FBXL19: variants seen among roughly 807,000 people sequenced by gnomAD.
FBXL19 encodes F-box and leucine rich repeat protein 19.
FBXL19 carries 16 observed loss-of-function variants against 71.2 expected under a neutral mutation model. That is an observed-to-expected ratio of 0.22 (90% CI 0.15 to 0.34). FBXL19 has a LOEUF of 0.34. Ranked by LOEUF, FBXL19 falls within the 10% of genes least tolerant of loss-of-function variation. The pLI, the probability that FBXL19 is intolerant of heterozygous loss-of-function variation, is 1.00. For synonymous variants in FBXL19, 447 were observed against 409.4 expected (o/e 1.09, Z -1.11); for missense variants, 658 against 968.2 (o/e 0.68, Z 4.25).
At chr16:30,940,302 C>G (rs1182516343) in intron 7 of FBXL19, among the ~76,000 whole-genome samples, 1 of 151,552 alleles carries the variant, frequency 6.6e-6, no homozygotes, top group African/African-American at 2.4e-5. Flanking sequence ...TGCCTGTAGT[C>G]CCAGCTACTC....
In FBXL19 at chr16:30,923,842, C is replaced by T. The variant is rs2055556067; in HGVS notation, c.-642C>T. Among the ~76,000 whole-genome samples the T allele has an allele frequency of 6.6e-6, 1 of 150,412 alleles. No individual in the cohort carries two copies. The highest frequency in any genetic ancestry group is 2.4e-5 in the African/African-American group (1 of 40,932). ...TGCGCGCGGGCTGGGGGGGGCGGGG[C>T]CGGAGCAGCTTCCTTCACCTCCCCC... On this transcript the variant is annotated 5_prime_UTR_variant, in exon 1 of 11. Coordinates refer to ENST00000338343, the MANE Select transcript of FBXL19 (RefSeq NM_001382779.1).
In FBXL19 at chr16:30,942,248, G is replaced by T. The variant is rs1376334565; in HGVS notation, c.1434G>T (p.Lys478Asn). The T allele has an allele frequency of 6.3e-7, 1 of 1,597,076 alleles. No individual in the cohort carries two copies. The highest frequency in any genetic ancestry group is 1.8e-5 in the Admixed American group (1 of 57,100). Residue 478 changes from lysine (K) to asparagine (N), a missense_variant, in exon 8 of 11, where the codon AAG becomes AAT. This residue lies in a region of FBXL19 where 38 missense variants were observed against 92.3 expected (regional missense o/e 0.41). Transcript: ENST00000338343. The surrounding 1 kb of genome is among the most constrained non-coding windows in gnomAD (Gnocchi z 5.7). ...LDLSWTGVSK[K>N]QLMWLLNRLQ... Reference sequence around the variant, plus strand: ...TCAGCTGGACAGGTGTCTCCAAGAAGCAGCTCATGTGGCTTCTGAACCGAC... The same window carrying T: ...TCAGCTGGACAGGTGTCTCCAAGAATCAGCTCATGTGGCTTCTGAACCGAC...
In FBXL19 at chr16:30,942,454, G is replaced by A; in HGVS notation, c.1545G>A (p.Arg515=). The change falls in exon 9 of 11, where the codon CGG becomes CGA. Residue 515 remains arginine, a synonymous_variant. Transcript: ENST00000338343. The surrounding 1 kb of genome is among the most constrained non-coding windows in gnomAD (Gnocchi z 5.7). ...GCTCAGCCCCACTGCCAGCCCTGCG[G>A]CTCCTGGACCTCCGCTGGATCGAGG... The part of the protein sequence containing the change: ...ALGSAPLPAL[R]LLDLRWIEDV... 1 of 1,605,810 alleles carries A rather than the reference G, an allele frequency of 6.2e-7. No individual in the cohort carries two copies. The highest frequency in any genetic ancestry group is 8.5e-7 in the Non-Finnish European group (1 of 1,176,528).
chr16:30,927,996 C>T (rs1319464425), intron 5 of FBXL19, 33 bp downstream of exon 5: 1 of 1,363,572 alleles, frequency 7.3e-7, no homozygotes, highest in Non-Finnish European at 9.8e-7. Flanking sequence ...TAGGCTTGTC[C>T]TGAGGAATTC....
upstream of FBXL19, chr16:30,923,041 G>A: frequency 4.4e-6 from 2 of 456,886 alleles, no homozygotes; most frequent in Non-Finnish European, 8.8e-6. Context: ...TCAGGTGTAT[G>A]TCCCTCTTCC....
intron 7 of FBXL19, among the ~76,000 whole-genome samples, chr16:30,931,763 G>C (rs1157742487): frequency 6.6e-6 from 1 of 152,006 alleles, no homozygotes; most frequent in East Asian, 1.9e-4. Flanking sequence ...GCCTCACTCT[G>C]TGGCCCAGGT....
chr16:30,923,281 A>C (rs886967683), upstream of FBXL19: 4 of 443,902 alleles, frequency 9.0e-6, no homozygotes, highest in East Asian at 7.1e-5. Context: ...TGCAACTGGG[A>C]GCCTCGGGGC....
At chr16:30,945,316 G>A (rs2055845502) in intron 9 of FBXL19, among the ~76,000 whole-genome samples, 1 of 152,132 alleles carries the variant, frequency 6.6e-6, no homozygotes, top group Non-Finnish European at 1.5e-5. Flanking sequence ...GGTTCTTAAA[G>A]TGTGGTCGGG....
At position 30,940,978 on chromosome 16, in the gene FBXL19, TTAGA is replaced by T. The variant is rs554059014; in HGVS notation, c.1302-1134_1302-1131del. 2.4e-4 allele frequency among the ~76,000 whole-genome samples: 36 copies of T among 151,982 alleles called. 1 individual carries two copies. The South Asian group carries it at 7.3e-3, about 31-fold the overall frequency. ...GCCACTGCACCCAGCCCACTGCATG[TTAGA>T]TAGTCTGTTGAGGCCTGTGGAGTGC... On this transcript the variant is annotated intron_variant, in intron 7 of 10. Transcript: ENST00000338343.
intron 7 of FBXL19, among the ~76,000 whole-genome samples, chr16:30,939,350 A>G (rs959895858): frequency 3.4e-5 from 5 of 145,468 alleles, no homozygotes; most frequent in Admixed American, 2.8e-4. Flanking sequence ...GGATTACACC[A>G]CACTTGGACT....
chr16:30,945,621 C>A (rs1265914587), intron 9 of FBXL19, among the ~76,000 whole-genome samples: 3 of 150,316 alleles, frequency 2.0e-5, no homozygotes, highest in Non-Finnish European at 4.4e-5. Context: ...CGAGATTGCA[C>A]CACTGTACTC....
chr16:30,927,510 G>T (rs1395033682), intron 3 of FBXL19, 59 bp downstream of exon 3: 3 of 1,560,220 alleles, frequency 1.9e-6, no homozygotes, highest in African/African-American at 1.4e-5. Flanking sequence ...AGCAGAGAGT[G>T]GGGGATCACC....
chr16:30,947,253 C>T lies in FBXL19; in HGVS notation c.*23C>T, dbSNP rs765225936. On this transcript the variant is annotated 3_prime_UTR_variant, in exon 11 of 11. Coordinates refer to ENST00000338343, the MANE Select transcript of FBXL19 (RefSeq NM_001382779.1). ...TAGTTGGGCGCCCCCCACCCTCCCC[C>T]GGACTCGACAGGAGCCTGGACCTCC... The T allele has an allele frequency of 1.4e-5, 21 of 1,542,764 alleles. No individual in the cohort carries two copies. The highest frequency in any genetic ancestry group is 4.6e-5 in the East Asian group (2 of 43,592).
chr16:30,929,928 A>G (rs2055649755), intron 6 of FBXL19, 145 bp from the exon 7 acceptor site: 1 of 1,021,180 alleles, frequency 9.8e-7, no homozygotes, highest in Non-Finnish European at 1.4e-6. Context: ...TGGCTTTAGC[A>G]AGGTCTCTCA....
chr16:30,928,908 C>T lies in FBXL19; in HGVS notation c.789+280C>T, dbSNP rs537639979. 8.3e-4 allele frequency among the ~76,000 whole-genome samples: 126 copies of T among 152,318 alleles called. 2 individuals carry two copies. Among genetic ancestry groups the T allele is most frequent in the Admixed American group, 1.6e-3 (24 of 15,292 alleles). ...GAACTGAGTTCAAATTTCTGTCCGA[C>T]CGTTTACTCTTTGTATGATCCTAGC... On this transcript the variant is annotated intron_variant, in intron 6 of 10. Transcript: ENST00000338343.
chr16:30,928,150 G>C (rs570381546), intron 5 of FBXL19, among the ~76,000 whole-genome samples, 187 bp downstream of exon 5: 1 of 149,290 alleles, frequency 6.7e-6, no homozygotes, highest in Admixed American at 6.6e-5. Flanking sequence ...GGAGGGGGGG[G>C]ACAGGTGAGG....
Position 30,942,032 on chromosome 16 carries a change from C to A in FBXL19, c.1302-84C>A. ...GTGTGGCCAGAAGAGAGCTGGGGTGCACCCTTGGAGCTGGGGAGCCTGGGA... is the reference window on the plus strand; with the variant it reads ...GTGTGGCCAGAAGAGAGCTGGGGTGAACCCTTGGAGCTGGGGAGCCTGGGA... On this transcript the variant is annotated intron_variant, in intron 7 of 10. Coordinates refer to ENST00000338343, the MANE Select transcript of FBXL19 (RefSeq NM_001382779.1). This position sits in a 1 kb window ranked among gnomAD's most constrained non-coding sequence, Gnocchi z 5.7. The A allele has an allele frequency of 7.1e-7, 1 of 1,402,332 alleles. No homozygotes were observed. Among genetic ancestry groups the A allele is most frequent in the Non-Finnish European group, 9.4e-7 (1 of 1,063,278 alleles). The allele number at this position is 1,402,332 out of a possible 1,614,324, so 86.9% of individuals were successfully genotyped here.
chr16:30,923,076 C>A (rs1193069626), upstream of FBXL19: 1 of 456,804 alleles, frequency 2.2e-6, no homozygotes, highest in South Asian at 1.5e-5. Flanking sequence ...AGTCCTCTTT[C>A]CTTTTCACCT....
chr16:30,925,717 C>T lies in FBXL19; in HGVS notation c.-24-14C>T, dbSNP rs2055582141. ...CCAGTGGGCCCATCTGACCCTGCCA[C>T]CATCCACCTACAGCCCTCGGCGTTG... On this transcript the variant is annotated splice_polypyrimidine_tract_variant and intron_variant, in intron 1 of 10. Coordinates refer to ENST00000338343, the MANE Select transcript of FBXL19 (RefSeq NM_001382779.1). This position sits in a 1 kb window ranked among gnomAD's most constrained non-coding sequence, Gnocchi z 5.0. 2 of 1,491,568 alleles carry T rather than the reference C, an allele frequency of 1.3e-6. No individual in the cohort carries two copies. The highest frequency in any genetic ancestry group is 1.8e-6 in the Non-Finnish European group (2 of 1,126,650). The allele number at this position is 1,491,568 out of a possible 1,614,324, so 92.4% of individuals were successfully genotyped here. A position where few individuals can be genotyped will look rare whatever the true frequency, so the allele number is the denominator to read the frequency against.
Sources: allele counts gnomAD v4.1 joint callset (sites outside exome capture counted in the v4.1 genomes callset), GRCh38; gene constraint gnomAD v4.1.1; regional missense constraint gnomAD v4.1.1; non-coding constraint Gnocchi (gnomAD v3.1); transcripts MANE v1.5; gene names NCBI Gene and HGNC (gene_info 2026-07-23, HGNC 2026-07-21).